The following ARHGAP32 variants were observed in gnomAD, a reference collection of about 807,000 sequenced individuals.
ARHGAP32 encodes the protein Rho GTPase activating protein 32, also known as rho GTPase-activating protein 32.
In ARHGAP32, 51 loss-of-function variants were observed where a neutral mutation model predicts 186.5. That is an observed-to-expected ratio of 0.27 (90% CI 0.22 to 0.35). ARHGAP32 has a LOEUF of 0.35. Among genes scored for constraint, ARHGAP32 ranks in the 10% least tolerant of loss-of-function variants. The pLI, the probability that ARHGAP32 is intolerant of heterozygous loss-of-function variation, is 1.00. For missense variants in ARHGAP32, 2,186 were observed against 2,623.5 expected (o/e 0.83, Z 3.64); for synonymous variants, 950 against 964.3 (o/e 0.99, Z 0.27).
intron 12 of ARHGAP32, among the ~76,000 whole-genome samples, chr11:128,994,188 C>G (rs1485150486): frequency 6.6e-6 from 1 of 151,060 alleles, no homozygotes; most frequent in Non-Finnish European, 1.5e-5. Flanking sequence ...GAGTCTCGCT[C>G]TTGTTGCCCA....
intron 1 of ARHGAP32, among the ~76,000 whole-genome samples, chr11:129,250,148 T>C (rs958211272): frequency 6.6e-6 from 1 of 151,856 alleles, no homozygotes; most frequent in Non-Finnish European, 1.5e-5. Flanking sequence ...GCACAAGAGG[T>C]TGAGGCTGCA....
At chr11:129,252,307 G>A (rs562270434) in intron 1 of ARHGAP32, among the ~76,000 whole-genome samples, 1 of 152,098 alleles carries the variant, frequency 6.6e-6, no homozygotes, top group African/African-American at 2.4e-5. Flanking sequence ...AGGCAAGAAC[G>A]GTTAGCTAAT....
At chr11:129,184,195 G>A (rs1944109787) in intron 1 of ARHGAP32, among the ~76,000 whole-genome samples, 1 of 152,094 alleles carries the variant, frequency 6.6e-6, no homozygotes, top group Non-Finnish European at 1.5e-5. Flanking sequence ...CTGACCAGAA[G>A]GACTAGGGCT....
In ARHGAP32 at chr11:128,972,560, T is replaced by C. The variant is rs200544454; in HGVS notation, c.3946A>G (p.Thr1316Ala). The change falls in exon 22 of 23, where the codon ACT (threonine) becomes GCT (alanine). Residue 1316 changes from threonine to alanine, a missense_variant. Around this residue, in one of 5 missense-constraint regions of ARHGAP32, gnomAD observed 1,502 missense variants for 1,570.0 expected, o/e 0.96. Transcript: ENST00000682385. Reference protein sequence around the residue: ...AAATLQRTHRTNRPLPPPPSQ... With the variant: ...AAATLQRTHRANRPLPPPPSQ... ...GGCGGAGGGGGAAGGGGACGATTAG[T>C]TCTGTGCGTGCGCTGAAGTGTGGCA... The C allele has an allele frequency of 1.9e-4, 295 of 1,590,456 alleles. 1 individual carries two copies. The highest frequency in any genetic ancestry group is 2.4e-4 in the Non-Finnish European group (279 of 1,167,122).
chr11:129,039,426 A>G (rs1939496852), intron 11 of ARHGAP32, among the ~76,000 whole-genome samples: 1 of 152,242 alleles, frequency 6.6e-6, no homozygotes, highest in South Asian at 2.1e-4. Flanking sequence ...GCTACTGCAC[A>G]GGTGAATCTT....
chr11:129,137,069 T>C (rs576866447), intron 2 of ARHGAP32, among the ~76,000 whole-genome samples: 3 of 151,976 alleles, frequency 2.0e-5, no homozygotes, highest in Admixed American at 1.3e-4. Flanking sequence ...CACAATGGAA[T>C]AGTCTTAGCT....
chr11:129,206,600 T>C (rs578156186), intron 1 of ARHGAP32, among the ~76,000 whole-genome samples: 5 of 152,284 alleles, frequency 3.3e-5, no homozygotes, highest in African/African-American at 9.6e-5. Flanking sequence ...CTTAAGTCTC[T>C]TTAAAGTTTC....
rs941824821 is a variant in ARHGAP32 at position 129,256,708 on chromosome 11, G to A, written c.-5+22438C>T. On this transcript the variant is annotated intron_variant, in intron 1 of 6. Coordinates refer to the ARHGAP32 transcript ENST00000525234. ...TAAGAAGAATCCAAATCTCCTGAAA[G>A]AATATCATAACGGGCATGTAAATTA... Among the ~76,000 whole-genome samples the A allele has an allele frequency of 4.6e-5, 7 of 152,238 alleles. No individual in the cohort carries two copies. In the South Asian group the frequency reaches 1.5e-3, roughly 32 times the overall value.
At chr11:129,207,149 T>G (rs1944524747) in intron 1 of ARHGAP32, among the ~76,000 whole-genome samples, 1 of 152,210 alleles carries the variant, frequency 6.6e-6, no homozygotes, top group Non-Finnish European at 1.5e-5. Context: ...TTATCCAGTC[T>G]ATCATTGATG....
chr11:128,969,551 G>A lies in ARHGAP32; in HGVS notation c.5662C>T (p.Leu1888Phe). 1.9e-6 allele frequency: 3 copies of A among 1,614,128 alleles called. No homozygotes were observed. The highest frequency in any genetic ancestry group is 2.5e-6 in the Non-Finnish European group (3 of 1,180,048). ...SRKLPDMGCS[L>F]PEHRAHQEAS... Reference sequence around the variant, plus strand: ...TCTTGGTGTGCCCTGTGCTCAGGAAGACTGCAGCCCATGTCAGGAAGCTTC... The same window carrying A: ...TCTTGGTGTGCCCTGTGCTCAGGAAAACTGCAGCCCATGTCAGGAAGCTTC... Residue 1888 changes from leucine (L) to phenylalanine (F), a missense_variant, in exon 23 of 23, where the codon CTT (leucine) becomes TTT (phenylalanine). Around this residue, in one of 5 missense-constraint regions of ARHGAP32, gnomAD observed 1,502 missense variants for 1,570.0 expected, o/e 0.96. Coordinates refer to ENST00000682385, the MANE Select transcript of ARHGAP32 (RefSeq NM_001378024.1). The surrounding 1 kb of genome is among the most constrained non-coding windows in gnomAD (Gnocchi z 4.8).
intron 1 of ARHGAP32, among the ~76,000 whole-genome samples, chr11:129,225,981 G>C (rs1053511736): frequency 1.3e-5 from 2 of 152,128 alleles, no homozygotes; most frequent in African/African-American, 4.8e-5. Context: ...AAATTCACTA[G>C]AAGGGCTCAA....
At chr11:129,029,685 C>T (rs1939016955) in intron 11 of ARHGAP32, among the ~76,000 whole-genome samples, 1 of 151,096 alleles carries the variant, frequency 6.6e-6, no homozygotes, top group African/African-American at 2.4e-5. Flanking sequence ...GCCTGTAGTC[C>T]CAGCTACTCG....
At chr11:129,043,883 T>A (rs371232880) in intron 10 of ARHGAP32, among the ~76,000 whole-genome samples, 1 of 152,192 alleles carries the variant, frequency 6.6e-6, no homozygotes. Context: ...ATAGTAATTT[T>A]TAGTTGGTGA....
chr11:128,983,573 A>G (rs886565835), intron 15 of ARHGAP32, among the ~76,000 whole-genome samples: 7 of 152,078 alleles, frequency 4.6e-5, no homozygotes, highest in Admixed American at 3.3e-4. Context: ...CAGCACACCA[A>G]CATGGCACAT....
chr11:128,994,116 TGAGCATG>T (rs1946134165), intron 12 of ARHGAP32, among the ~76,000 whole-genome samples: 1 of 152,180 alleles, frequency 6.6e-6, no homozygotes, highest in East Asian at 1.9e-4. Context: ...TGAAAGCTAA[TGAGCATG>T]GCAGGACAAA....
At chr11:129,182,616 A>G (rs1565459837) in intron 1 of ARHGAP32, among the ~76,000 whole-genome samples, 1 of 151,264 alleles carries the variant, frequency 6.6e-6, no homozygotes. Context: ...ATAAAAAAAA[A>G]TTGTGTTAAT....
At chr11:129,081,141 T>C (rs913494080) in intron 6 of ARHGAP32, among the ~76,000 whole-genome samples, 5 of 151,812 alleles carry the variant, frequency 3.3e-5, no homozygotes, top group Non-Finnish European at 5.9e-5. Context: ...CAAAAAAAAG[T>C]CCAGGACCAG....
intron 1 of ARHGAP32, among the ~76,000 whole-genome samples, chr11:129,207,665 A>G (rs1455275416): frequency 6.6e-6 from 1 of 151,620 alleles, no homozygotes; most frequent in Non-Finnish European, 1.5e-5. Flanking sequence ...GTTGCAAAAA[A>G]TTTTCTCCCA....
chr11:129,218,875 T>G (rs1944678545), intron 1 of ARHGAP32, among the ~76,000 whole-genome samples: 1 of 152,186 alleles, frequency 6.6e-6, no homozygotes, highest in Non-Finnish European at 1.5e-5. Flanking sequence ...AGTAGAATGT[T>G]AATGAGGGAG....
Sources: allele counts gnomAD v4.1 joint callset (sites outside exome capture counted in the v4.1 genomes callset), GRCh38; gene constraint gnomAD v4.1.1; regional missense constraint gnomAD v4.1.1; non-coding constraint Gnocchi (gnomAD v3.1); transcripts MANE v1.5; gene names NCBI Gene and HGNC (gene_info 2026-07-23, HGNC 2026-07-21).